Variants in EBF3 observed in about 807,000 individuals in gnomAD.
EBF3 encodes EBF transcription factor 3.
In EBF3, 18 loss-of-function variants were observed where a neutral mutation model predicts 77.1. The ratio of observed to expected loss-of-function variants is 0.23; its 90% CI spans 0.16 to 0.35. The LOEUF is 0.35. Ranked by LOEUF, EBF3 falls within the 10% of genes least tolerant of loss-of-function variation. EBF3 has a pLI of 1.00. For missense variants in EBF3, 558 were observed against 860.0 expected (o/e 0.65, Z 4.39); for synonymous variants, 350 against 343.5 (o/e 1.02, Z -0.21).
In EBF3 at chr10:129,860,782, A is replaced by C. The variant is rs529784548; in HGVS notation, c.1039+6359T>G. Among the ~76,000 whole-genome samples the C allele has an allele frequency of 7.2e-5, 11 of 152,350 alleles. No homozygotes were observed. The South Asian group carries it at 2.1e-3, about 29-fold the overall frequency. On this transcript the variant is annotated intron_variant, in intron 10 of 16. Transcript: ENST00000440978. ...TTCTTTTCCTTGATAAATGGGTGAC[A>C]GCTCCCTCTCACCAATCATTTTTAA... is the stretch of plus-strand genomic sequence containing the variant.
intron 15 of EBF3, 81 bp from the exon 16 acceptor site, chr10:129,839,276 G>C: frequency 1.6e-6 from 1 of 639,848 alleles, no homozygotes; most frequent in Non-Finnish European, 2.6e-6. Context: ...GAGTCACTGG[G>C]AGGAGCATAT....
intron 6 of EBF3, among the ~76,000 whole-genome samples, chr10:129,878,823 CAAAAAAAAAA>C (rs10654202): frequency 1.7e-5 from 1 of 58,758 alleles, no homozygotes; most frequent in Non-Finnish European, 3.1e-5. Context: ...AAATCGGTCT[CAAAAAAAAAA>C]AAAAAAAAAA....
In EBF3 at chr10:129,947,230, C is replaced by G. The variant is rs57383572; in HGVS notation, c.554+10028G>C. 6.6e-6 allele frequency among the ~76,000 whole-genome samples: 1 copy of G among 152,224 alleles called. No homozygotes were observed. The highest frequency in any genetic ancestry group is 1.5e-5 in the Non-Finnish European group (1 of 68,046). ...GACCACCCCATCCCGGCACACTGAT[C>G]TGATTTACAAACCTTTCCTAATGGG... On this transcript the variant is annotated intron_variant, in intron 6 of 16. Transcript: ENST00000440978. The surrounding 1 kb of genome is among the most constrained non-coding windows in gnomAD (Gnocchi z 4.5).
At chr10:129,939,323 G>A (rs999508233) in intron 6 of EBF3, among the ~76,000 whole-genome samples, 4 of 152,168 alleles carry the variant, frequency 2.6e-5, no homozygotes, top group Non-Finnish European at 5.9e-5. Context: ...TGACAAATAC[G>A]AAGGACAGGG....
chr10:129,907,301 A>G (rs1855214710), intron 6 of EBF3, among the ~76,000 whole-genome samples: 1 of 152,236 alleles, frequency 6.6e-6, no homozygotes, highest in African/African-American at 2.4e-5. Flanking sequence ...TGGCCTCATT[A>G]ATCAAGATAT....
chr10:129,933,285 G>A (rs1377096729), intron 6 of EBF3, among the ~76,000 whole-genome samples: 2 of 152,198 alleles, frequency 1.3e-5, no homozygotes, highest in East Asian at 1.9e-4. Flanking sequence ...CGAAAAACAG[G>A]CTTTGAATAA....
chr10:129,835,875 T>A lies in EBF3; in HGVS notation c.*2068A>T, dbSNP rs773996008. ...AAAAAAAAAAAACACCTGACACTTTTGGTCTCACTGTGGGTTTGGCACTAA... is the reference window on the plus strand; with the variant it reads ...AAAAAAAAAAAACACCTGACACTTTAGGTCTCACTGTGGGTTTGGCACTAA... On this transcript the variant is annotated 3_prime_UTR_variant, in exon 17 of 17. Coordinates refer to ENST00000440978, the MANE Select transcript of EBF3 (RefSeq NM_001375380.1). The A allele has an allele frequency of 6.6e-6, 1 of 152,450 alleles. No individual in the cohort carries two copies. Among genetic ancestry groups the A allele is most frequent in the African/African-American group, 2.4e-5 (1 of 41,398 alleles). 9.4% of individuals were successfully genotyped at this position (152,450 alleles called of 1,614,324 possible).
At chr10:129,889,947 T>C (rs955990289) in intron 6 of EBF3, among the ~76,000 whole-genome samples, 1 of 66,884 alleles carries the variant, frequency 1.5e-5, no homozygotes, top group African/African-American at 9.9e-5. Context: ...TTGAAGTGCC[T>C]TTTTTTTTTT....
At chr10:129,910,652 T>A (rs1855464854) in intron 6 of EBF3, among the ~76,000 whole-genome samples, 1 of 151,978 alleles carries the variant, frequency 6.6e-6, no homozygotes, top group Non-Finnish European at 1.5e-5. Flanking sequence ...CTGCTGTGGG[T>A]CCCCCCTTCT....
rs1181741269 is a variant in EBF3 at position 129,873,601 on chromosome 10, A to C, written c.637-5T>G. 4 of 1,526,320 alleles carry C rather than the reference A, an allele frequency of 2.6e-6. No homozygotes were observed. The highest frequency in any genetic ancestry group is 3.5e-6 in the Non-Finnish European group (4 of 1,134,422). The allele number at this position is 1,526,320 out of a possible 1,614,324, so 94.5% of individuals were successfully genotyped here. ...GACTGTTGTCGATACAACAACCTGC[A>C]AAGATGAAGTGGATTTGAAAATGGA... On this transcript the variant is annotated splice_region_variant and splice_polypyrimidine_tract_variant and intron_variant, in intron 7 of 16. Transcript: ENST00000440978.
intron 6 of EBF3, among the ~76,000 whole-genome samples, chr10:129,920,995 G>T (rs1291085824): frequency 3.3e-5 from 5 of 152,082 alleles, no homozygotes; most frequent in Non-Finnish European, 7.4e-5. Flanking sequence ...CGGTGGTCTG[G>T]GGACAGGGAG....
chr10:129,931,815 A>ATTC (rs977246002), intron 6 of EBF3, among the ~76,000 whole-genome samples: 3 of 152,182 alleles, frequency 2.0e-5, no homozygotes, highest in African/African-American at 7.2e-5. Context: ...CCTGTGTCCT[A>ATTC]TTCTTCCCAA....
chr10:129,897,582 G>C lies in EBF3; in HGVS notation c.555-19733C>G, dbSNP rs1854484142. Among the ~76,000 whole-genome samples, 1 of 152,072 alleles carries C rather than the reference G, an allele frequency of 6.6e-6. No homozygotes were observed. Among genetic ancestry groups the C allele is most frequent in the South Asian group, 2.1e-4 (1 of 4,808 alleles). ...CCCAGCACACGACCCTTTTATCCGA[G>C]AGGCGAAGCCCGGGAAGGTTCTCGA... On this transcript the variant is annotated intron_variant, in intron 6 of 16. Transcript: ENST00000440978. This position sits in a 1 kb window ranked among gnomAD's most constrained non-coding sequence, Gnocchi z 4.6.
At chr10:129,873,743 C>CT in intron 7 of EBF3, 147 bp from the exon 8 acceptor site, 1 of 871,262 alleles carries the variant, frequency 1.1e-6, no homozygotes, top group Non-Finnish European at 1.5e-6. Context: ...GCGTTCACAG[C>CT]TTTTTTGGCT....
intron 6 of EBF3, among the ~76,000 whole-genome samples, chr10:129,914,407 C>T (rs1363780688): frequency 6.6e-6 from 1 of 152,186 alleles, no homozygotes; most frequent in African/African-American, 2.4e-5. Flanking sequence ...GGCTGGTTCA[C>T]TGGAGCCCAG....
chr10:129,893,897 G>T (rs1387557557), intron 6 of EBF3, among the ~76,000 whole-genome samples: 1 of 152,226 alleles, frequency 6.6e-6, no homozygotes, highest in Non-Finnish European at 1.5e-5. Context: ...TTCCCTGGTG[G>T]GGGTGCACGG....
Position 129,963,054 on chromosome 10 carries a change from C to T in EBF3, c.292-49G>A, listed in dbSNP as rs985592463. The T allele has an allele frequency of 1.2e-6, 2 of 1,609,238 alleles. No individual in the cohort carries two copies. The highest frequency in any genetic ancestry group is 1.7e-6 in the Non-Finnish European group (2 of 1,175,874). On this transcript the variant is annotated intron_variant, in intron 2 of 16. Transcript: ENST00000440978. The surrounding 1 kb of genome is among the most constrained non-coding windows in gnomAD (Gnocchi z 7.1). ...CATTTAGTGCGATCGGTGTCAGGCG[C>T]GGCCACCACGCTCGGTCCCCCTCCG...
At chr10:129,894,054 C>A (rs1854202108) in intron 6 of EBF3, among the ~76,000 whole-genome samples, 1 of 152,152 alleles carries the variant, frequency 6.6e-6, no homozygotes, top group Admixed American at 6.6e-5. Flanking sequence ...GCTTAAGTGC[C>A]CCCCTCCTTC....
At chr10:129,854,809 C>T (rs984529820) in intron 10 of EBF3, among the ~76,000 whole-genome samples, 3 of 152,378 alleles carry the variant, frequency 2.0e-5, no homozygotes, top group East Asian at 1.9e-4. Flanking sequence ...TCACAGCACT[C>T]GGCAGGGTGA....
Sources: gnomAD v4.1 joint callset for allele counts (sites outside exome capture counted in the v4.1 genomes callset) on GRCh38, gnomAD v4.1.1 for gene constraint, Gnocchi (gnomAD v3.1) non-coding constraint, MANE v1.5 for transcripts, NCBI Gene and HGNC (gene_info 2026-07-23, HGNC 2026-07-21) for gene names.